CTNNA3: variants seen among roughly 807,000 people sequenced by gnomAD.
CTNNA3 encodes catenin alpha-3.
CTNNA3 carries 76 observed loss-of-function variants against 95.7 expected under a neutral mutation model. That is an observed-to-expected ratio of 0.79 (90% confidence interval 0.66 to 0.96). CTNNA3 has a LOEUF of 0.96. Among genes scored for constraint, CTNNA3 ranks in the 40% least tolerant of loss-of-function variants. The pLI is 0.00. For missense variants in CTNNA3, 1,191 were observed against 1,089.8 expected (o/e 1.09, Z -1.31); for synonymous variants, 431 against 374.4 (o/e 1.15, Z -1.74).
intron 12 of CTNNA3, among the ~76,000 whole-genome samples, chr10:66,305,277 A>G (rs547929870): frequency 6.6e-6 from 1 of 152,322 alleles, no homozygotes; most frequent in South Asian, 2.1e-4. Flanking sequence ...ATTTTAGATC[A>G]TATGCACACA....
intron 13 of CTNNA3, among the ~76,000 whole-genome samples, chr10:66,149,443 G>C (rs1292083350): frequency 6.6e-6 from 1 of 151,128 alleles, no homozygotes; most frequent in East Asian, 1.9e-4. Flanking sequence ...AATTAAGCCA[G>C]CCATAACTAT....
chr10:66,301,492 A>G (rs996259220), intron 12 of CTNNA3, among the ~76,000 whole-genome samples: 1 of 151,896 alleles, frequency 6.6e-6, no homozygotes, highest in African/African-American at 2.4e-5. Flanking sequence ...GTATATAAAT[A>G]ATTTTATTAT....
chr10:66,401,704 G>A (rs2093023372), intron 11 of CTNNA3, among the ~76,000 whole-genome samples: 1 of 145,942 alleles, frequency 6.9e-6, no homozygotes, highest in Non-Finnish European at 1.5e-5. Flanking sequence ...TGTTACACAG[G>A]CTGGAATGCA....
intron 7 of CTNNA3, among the ~76,000 whole-genome samples, chr10:66,793,550 G>A (rs1365648150): frequency 6.6e-6 from 1 of 151,838 alleles, no homozygotes; most frequent in African/African-American, 2.4e-5. Flanking sequence ...TATACACCAG[G>A]AACTATGCTA....
chr10:67,699,225 T>C (rs1290039596), upstream of CTNNA3, among the ~76,000 whole-genome samples: 1 of 152,114 alleles, frequency 6.6e-6, no homozygotes, highest in Admixed American at 6.6e-5. Context: ...CAAAACATAC[T>C]TTTACCCTAC....
chr10:66,198,700 C>T (rs2087122032), intron 13 of CTNNA3, among the ~76,000 whole-genome samples: 1 of 151,922 alleles, frequency 6.6e-6, no homozygotes, highest in Admixed American at 6.6e-5. Flanking sequence ...AAATATGAAA[C>T]AAAGAGAAAC....
intron 10 of CTNNA3, among the ~76,000 whole-genome samples, chr10:66,531,383 TGTTC>T (rs1221120312): frequency 9.4e-6 from 1 of 106,366 alleles, no homozygotes; most frequent in Non-Finnish European, 2.3e-5. Flanking sequence ...GATTATGGTT[TGTTC>T]GTTTGTTTGT....
At chr10:67,248,616 G>A (rs1193814384) in intron 5 of CTNNA3, among the ~76,000 whole-genome samples, 8 of 151,892 alleles carry the variant, frequency 5.3e-5, no homozygotes, top group Non-Finnish European at 1.2e-4. Context: ...GTAGAGAGAC[G>A]GGGTTTCACC....
rs1228597524 is a variant in CTNNA3, at chr10:67,590,035, T to C, written c.292+16822A>G. ...CATAATAATAGATCATGTATCACTA[T>C]GCTGACTACACTGTATACATTTTTC... On this transcript the variant is annotated intron_variant, in intron 3 of 17. Coordinates refer to ENST00000433211, the MANE Select transcript of CTNNA3 (RefSeq NM_013266.4). Among the ~76,000 whole-genome samples, 63 of 152,164 alleles carry C rather than the reference T, an allele frequency of 4.1e-4. 2 individuals are homozygous for C. Among genetic ancestry groups the C allele is most frequent in the Admixed American group, 4.1e-3 (63 of 15,268 alleles).
At chr10:66,414,064 C>T (rs1461193448) in intron 11 of CTNNA3, among the ~76,000 whole-genome samples, 1 of 152,058 alleles carries the variant, frequency 6.6e-6, no homozygotes, top group African/African-American at 2.4e-5. Flanking sequence ...ATTTTATTCT[C>T]CTAAATTTAT....
At chr10:67,031,160 T>G (rs952786126) in intron 7 of CTNNA3, among the ~76,000 whole-genome samples, 1 of 152,242 alleles carries the variant, frequency 6.6e-6, no homozygotes, top group Non-Finnish European at 1.5e-5. Context: ...AAAGTTGTAT[T>G]ATTCCAGGTA....
At chr10:66,876,109 A>G (rs535038725) in intron 7 of CTNNA3, among the ~76,000 whole-genome samples, 30 of 152,254 alleles carry the variant, frequency 2.0e-4, no homozygotes, top group South Asian at 1.0e-3. Context: ...GAAACAGGAA[A>G]TATTTTCCTA....
intron 13 of CTNNA3, among the ~76,000 whole-genome samples, chr10:66,154,365 A>G (rs2084366163): frequency 6.6e-6 from 1 of 151,730 alleles, no homozygotes; most frequent in African/African-American, 2.4e-5. Flanking sequence ...AAATATACCT[A>G]CTACCCACCC....
intron 16 of CTNNA3, among the ~76,000 whole-genome samples, chr10:65,986,184 T>C (rs2133317847): frequency 6.6e-6 from 1 of 151,536 alleles, no homozygotes; most frequent in East Asian, 1.9e-4. Context: ...CTGTACCTTA[T>C]TTACCCTGTT....
intron 1 of CTNNA3, among the ~76,000 whole-genome samples, chr10:67,728,419 T>C (rs1841256656): frequency 6.7e-6 from 1 of 149,296 alleles, no homozygotes; most frequent in African/African-American, 2.4e-5. Context: ...ATATACTATA[T>C]GTATGTATAT....
chr10:67,271,643 C>G (rs1372218716), intron 5 of CTNNA3, among the ~76,000 whole-genome samples: 1 of 152,112 alleles, frequency 6.6e-6, no homozygotes, highest in East Asian at 1.9e-4. Flanking sequence ...GTCAATTGTC[C>G]TTAATCTGAA....
chr10:67,184,661 TC>T (rs1862747530), intron 6 of CTNNA3, among the ~76,000 whole-genome samples: 1 of 152,246 alleles, frequency 6.6e-6, no homozygotes, highest in African/African-American at 2.4e-5. Context: ...TTGAGCTTCA[TC>T]TTTGACATCA....
At chr10:66,325,791 A>T (rs2092246852) in intron 12 of CTNNA3, among the ~76,000 whole-genome samples, 1 of 152,156 alleles carries the variant, frequency 6.6e-6, no homozygotes, top group African/African-American at 2.4e-5. Context: ...TGTTTGAAAT[A>T]GTTATGTGCT....
chr10:67,355,943 G>A (rs982388572), intron 5 of CTNNA3, among the ~76,000 whole-genome samples: 1 of 151,866 alleles, frequency 6.6e-6, no homozygotes, highest in African/African-American at 2.4e-5. Flanking sequence ...ACAGGAGTTA[G>A]AGAGTATCAA....
Sources: gnomAD v4.1 joint callset for allele counts (sites outside exome capture counted in the v4.1 genomes callset) on GRCh38, gnomAD v4.1.1 for gene constraint, MANE v1.5 for transcripts, NCBI Gene and HGNC (gene_info 2026-07-23, HGNC 2026-07-21) for gene names.